Variants in MEGF10 observed in about 807,000 individuals in gnomAD.
The protein encoded by MEGF10 is multiple epidermal growth factor-like domains protein 10.
MEGF10 carries 86 observed loss-of-function variants against 147.5 expected under a neutral mutation model. The observed-to-expected ratio is 0.58, with a 90% CI of 0.49 to 0.70. The LOEUF (loss-of-function observed/expected upper bound fraction) is 0.70, where lower values mean the gene tolerates loss of function less well. MEGF10 is among the 30% of genes least tolerant of loss of function. MEGF10 has a pLI of 0.00. For missense variants in MEGF10, 1,329 were observed against 1,487.3 expected, an observed-to-expected ratio of 0.89 and a Z score of 1.75; for synonymous variants, 478 against 525.5, an observed-to-expected ratio of 0.91 and a Z score of 1.24.
chr5:127,279,125 A>G, the MEGF10 span, among the ~76,000 whole-genome samples: 1 of 152,204 alleles, frequency 6.6e-6, no homozygotes, highest in Non-Finnish European at 1.5e-5. Context: ...GTAAATTACC[A>G]TGATGACTGA....
intron 5 of MEGF10, among the ~76,000 whole-genome samples, chr5:127,390,019 T>G (rs925851186): frequency 6.6e-6 from 1 of 152,172 alleles, no homozygotes; most frequent in Admixed American, 6.5e-5. Flanking sequence ...TGATTTTCTT[T>G]TACTGCCAAA....
chr5:127,246,446 G>T, the MEGF10 span, among the ~76,000 whole-genome samples: 3 of 152,026 alleles, frequency 2.0e-5, no homozygotes, highest in African/African-American at 7.2e-5. Context: ...ACACACCAGG[G>T]CCTGTTGCGG....
chr5:127,286,086 T>A (rs569001169), upstream of MEGF10, among the ~76,000 whole-genome samples: 12 of 152,216 alleles, frequency 7.9e-5, no homozygotes, highest in African/African-American at 2.6e-4. Context: ...TTCACTCATA[T>A]GTGGGAGCTA....
the MEGF10 span, among the ~76,000 whole-genome samples, chr5:127,275,100 C>T: frequency 2.0e-5 from 3 of 152,146 alleles, no homozygotes; most frequent in African/African-American, 7.2e-5. Flanking sequence ...GGCTAGCCAT[C>T]ATTATATTGT....
chr5:127,324,988 C>G (rs967522208), intron 1 of MEGF10, among the ~76,000 whole-genome samples: 10 of 152,168 alleles, frequency 6.6e-5, no homozygotes, highest in African/African-American at 2.4e-4. Flanking sequence ...ATCAGCCAGG[C>G]CTGTTCGTAT....
At position 127,304,645 on chromosome 5, in the gene MEGF10, C is replaced by T. The variant is rs768354693; in HGVS notation, c.-19+13589C>T. 5.3e-5 allele frequency among the ~76,000 whole-genome samples: 8 copies of T among 152,186 alleles called. No individual in the cohort carries two copies. The South Asian group carries it at 8.3e-4, about 16-fold the overall frequency. ...GGTAGCTGGGACTACAGGTGCCTGC[C>T]GCCATGCCCTGCTAATTTTTGTATT... On this transcript the variant is annotated intron_variant, in intron 1 of 24. Coordinates refer to ENST00000503335, the MANE Select transcript of MEGF10 (RefSeq NM_001256545.2).
intron 7 of MEGF10, among the ~76,000 whole-genome samples, chr5:127,401,067 C>T (rs911558935): frequency 5.3e-5 from 8 of 152,170 alleles, no homozygotes; most frequent in African/African-American, 1.7e-4. Context: ...TATTTCAGCG[C>T]ATTTCTGAAG....
chr5:127,330,685 T>G (rs1761219215), intron 1 of MEGF10, among the ~76,000 whole-genome samples: 1 of 152,200 alleles, frequency 6.6e-6, no homozygotes, highest in Admixed American at 6.5e-5. Context: ...TGAAGCACTA[T>G]GTTTAAGAAA....
the MEGF10 span, among the ~76,000 whole-genome samples, chr5:127,246,160 G>T: frequency 3.3e-5 from 5 of 152,162 alleles, no homozygotes; most frequent in Non-Finnish European, 7.4e-5. Context: ...GCACATGTAT[G>T]TTTATTGTAG....
At chr5:127,442,658 G>T (rs1252323948) in intron 18 of MEGF10, among the ~76,000 whole-genome samples, 1 of 152,182 alleles carries the variant, frequency 6.6e-6, no homozygotes, top group African/African-American at 2.4e-5. Flanking sequence ...TTGCCTGGTG[G>T]ACTTGTATCA....
intron 13 of MEGF10, among the ~76,000 whole-genome samples, chr5:127,426,220 C>T (rs931470830): frequency 6.6e-6 from 1 of 152,216 alleles, no homozygotes; most frequent in Non-Finnish European, 1.5e-5. Flanking sequence ...ATAACTTCAA[C>T]CCACTATCTA....
At chr5:127,407,984 G>C (rs1471648751) in intron 8 of MEGF10, among the ~76,000 whole-genome samples, 1 of 152,158 alleles carries the variant, frequency 6.6e-6, no homozygotes, top group Non-Finnish European at 1.5e-5. Flanking sequence ...TTAAATAATG[G>C]CTGCTTTAGT....
chr5:127,391,579 A>T lies in MEGF10; in HGVS notation c.413-4953A>T, dbSNP rs576339497. 1.4e-4 allele frequency among the ~76,000 whole-genome samples: 22 copies of T among 152,068 alleles called. No homozygotes were observed. The East Asian group carries it at 1.7e-3, about 12-fold the overall frequency. On this transcript the variant is annotated intron_variant, in intron 5 of 24. Coordinates refer to ENST00000503335, the MANE Select transcript of MEGF10 (RefSeq NM_001256545.2). ...AGTGAGACCCTGTCTAAAATAAAAA[A>T]AAAAAAAAAGAGAGTGCTGGTTTCC...
chr5:127,360,856 A>ATG (rs953868185), intron 4 of MEGF10, among the ~76,000 whole-genome samples: 10 of 148,088 alleles, frequency 6.8e-5, no homozygotes, highest in Admixed American at 2.7e-4. Flanking sequence ...GTGTATATAT[A>ATG]TGTGTGTGTA....
chr5:127,290,220 C>CCCACGCT (rs1171388277), upstream of MEGF10, among the ~76,000 whole-genome samples: 2 of 152,054 alleles, frequency 1.3e-5, no homozygotes, highest in Non-Finnish European at 2.9e-5. Flanking sequence ...AGCAGACTAT[C>CCCACGCT]CCACCCTCCA....
chr5:127,340,480 G>C (rs1023020156), intron 3 of MEGF10, 50 bp from the exon 4 acceptor site: 1 of 1,430,666 alleles, frequency 7.0e-7, no homozygotes, highest in African/African-American at 1.4e-5. Context: ...GAAATACTTT[G>C]CTTTTCAGAC....
At chr5:127,293,224 A>C (rs1483714346) in intron 1 of MEGF10, among the ~76,000 whole-genome samples, 1 of 152,172 alleles carries the variant, frequency 6.6e-6, no homozygotes, top group African/African-American at 2.4e-5. Flanking sequence ...TTCTCTTTTA[A>C]CATTTGTTTT....
At chr5:127,306,699 A>G (rs1408180807) in intron 1 of MEGF10, among the ~76,000 whole-genome samples, 1 of 152,250 alleles carries the variant, frequency 6.6e-6, no homozygotes, top group Non-Finnish European at 1.5e-5. Context: ...GCTGGGCCTC[A>G]GATTCCTTGT....
chr5:127,437,427 A>G (rs1765596819), intron 16 of MEGF10, among the ~76,000 whole-genome samples: 3 of 151,654 alleles, frequency 2.0e-5, no homozygotes, highest in Non-Finnish European at 2.9e-5. Context: ...GGTGCACACA[A>G]TTATGGAAGA....
Sources: gnomAD v4.1 joint callset for allele counts (sites outside exome capture counted in the v4.1 genomes callset) on GRCh38, gnomAD v4.1.1 for gene constraint, MANE v1.5 for transcripts, NCBI Gene and HGNC (gene_info 2026-07-23, HGNC 2026-07-21) for gene names.